Variants in VSNL1 observed in about 807,000 individuals in gnomAD.
The protein encoded by VSNL1 is visinin like 1, also known as visinin-like protein 1.
In VSNL1, 6 loss-of-function variants were observed where a neutral mutation model predicts 20.4. That is an observed-to-expected ratio of 0.29 (90% CI 0.16 to 0.58). The LOEUF (loss-of-function observed/expected upper bound fraction) is 0.58. Among genes scored for constraint, VSNL1 ranks in the 20% least tolerant of loss-of-function variants. The pLI is 0.90. For missense variants in VSNL1, 100 were observed against 234.5 expected (o/e 0.43, Z 3.75); for synonymous variants, 93 against 86.4 (o/e 1.08, Z -0.42).
intron 1 of VSNL1, among the ~76,000 whole-genome samples, chr2:17,584,112 C>T (rs1464948508): frequency 1.3e-5 from 2 of 152,116 alleles, no homozygotes; most frequent in Non-Finnish European, 2.9e-5. Flanking sequence ...TATCAAAATT[C>T]ACGCACCTTG....
At chr2:17,628,509 C>CA (rs5829600) in intron 2 of VSNL1, among the ~76,000 whole-genome samples, 37,591 of 152,026 alleles carry the variant, frequency 0.25, 6,060 homozygotes, top group Middle Eastern at 0.49. Context: ...CTTATTAGGC[C>CA]ACTGGATTGT....
rs1666074608 is a variant in VSNL1 at position 17,649,378 on chromosome 2, CG to C, written c.163-31del. Reference sequence around the variant, plus strand: ...TCGTCGCCCCGATTCCATCCCCTCCCGACACCTGACTGCGCGTGTTCTCCTT... The same window carrying C: ...TCGTCGCCCCGATTCCATCCCCTCCCACACCTGACTGCGCGTGTTCTCCTT... On this transcript the variant is annotated intron_variant, in intron 2 of 3. Transcript: ENST00000295156. This position sits in a 1 kb window ranked among gnomAD's most constrained non-coding sequence, Gnocchi z 6.4. 1 of 1,609,214 alleles carries C rather than the reference CG, an allele frequency of 6.2e-7. No individual in the cohort carries two copies. Among genetic ancestry groups the C allele is most frequent in the African/African-American group, 1.3e-5 (1 of 74,830 alleles).
At chr2:17,568,762 T>G (rs537019172) in intron 1 of VSNL1, among the ~76,000 whole-genome samples, 10 of 152,340 alleles carry the variant, frequency 6.6e-5, no homozygotes, top group African/African-American at 2.4e-4. Context: ...GGGTCCATAA[T>G]TAGTATTTTC....
At chr2:17,586,836 A>G (rs934652148) in intron 1 of VSNL1, among the ~76,000 whole-genome samples, 7 of 152,214 alleles carry the variant, frequency 4.6e-5, no homozygotes, top group Non-Finnish European at 1.0e-4. Context: ...GGAGTCTTGC[A>G]GCAGGAGTAA....
intron 2 of VSNL1, among the ~76,000 whole-genome samples, chr2:17,592,569 C>A (rs1664614101): frequency 6.8e-6 from 1 of 147,742 alleles, no homozygotes; most frequent in African/African-American, 2.5e-5. Flanking sequence ...CATTATTTGG[C>A]CTGTTAAAGG....
chr2:17,650,528 G>A (rs1201942479), intron 3 of VSNL1, among the ~76,000 whole-genome samples: 2 of 152,208 alleles, frequency 1.3e-5, no homozygotes, highest in African/African-American at 2.4e-5. Flanking sequence ...TCTTAGCATG[G>A]GTTCCCACCC....
At chr2:17,626,194 T>G (rs1415134920) in intron 2 of VSNL1, among the ~76,000 whole-genome samples, 1 of 152,192 alleles carries the variant, frequency 6.6e-6, no homozygotes, top group African/African-American at 2.4e-5. Flanking sequence ...ATGCCCCACC[T>G]GCAAAAACTG....
chr2:17,655,711 CTTG>C lies in VSNL1; in HGVS notation c.*320_*322del, dbSNP rs1273396136. 3.9e-6 allele frequency: 1 copy of C among 258,634 alleles called. No homozygotes were observed. Among genetic ancestry groups the C allele is most frequent in the African/African-American group, 2.2e-5 (1 of 44,818 alleles). 16.0% of individuals were successfully genotyped at this position (258,634 alleles called of 1,614,324 possible). A position where few individuals can be genotyped will look rare whatever the true frequency, so the allele number is the denominator to read the frequency against. On this transcript the variant is annotated 3_prime_UTR_variant, in exon 4 of 4. Transcript: ENST00000295156. This position sits in a 1 kb window ranked among gnomAD's most constrained non-coding sequence, Gnocchi z 5.2. ...TGTGCTGCAAAGAGTTATATGACTT[CTTG>C]TTCATGTTTTGCTAATGCTCGTATC...
chr2:17,559,867 G>A (rs1663772902), intron 1 of VSNL1, among the ~76,000 whole-genome samples: 1 of 151,698 alleles, frequency 6.6e-6, no homozygotes, highest in African/African-American at 2.4e-5. Context: ...ATAAACATCA[G>A]AAAAAATAAA....
chr2:17,562,814 A>T (rs1392592010), intron 1 of VSNL1, among the ~76,000 whole-genome samples: 2 of 152,208 alleles, frequency 1.3e-5, no homozygotes, highest in African/African-American at 4.8e-5. Flanking sequence ...TCTGCAGTTT[A>T]GCTTTGCGTT....
At chr2:17,587,135 C>T (rs1362970990) in intron 1 of VSNL1, among the ~76,000 whole-genome samples, 1 of 152,144 alleles carries the variant, frequency 6.6e-6, no homozygotes, top group Non-Finnish European at 1.5e-5. Flanking sequence ...CTGTGTTTAT[C>T]CTGCTATGTA....
intron 1 of VSNL1, among the ~76,000 whole-genome samples, chr2:17,565,840 T>C (rs405783): frequency 0.99 from 150,463 of 152,342 alleles, 74,329 homozygotes; most frequent in Middle Eastern, 1. Context: ...GTGGACTTAA[T>C]TGAATCAGCA....
intron 2 of VSNL1, among the ~76,000 whole-genome samples, chr2:17,621,662 T>G (rs897212253): frequency 6.6e-6 from 1 of 152,088 alleles, no homozygotes; most frequent in Non-Finnish European, 1.5e-5. Context: ...AGATGTCATT[T>G]TGTCACCCAG....
intron 2 of VSNL1, among the ~76,000 whole-genome samples, chr2:17,632,751 G>A (rs1377815316): frequency 2.0e-5 from 3 of 152,208 alleles, no homozygotes; most frequent in African/African-American, 7.2e-5. Flanking sequence ...TTAAAAAATA[G>A]ACACAGCATA....
At chr2:17,544,716 A>C (rs907437496) in intron 1 of VSNL1, among the ~76,000 whole-genome samples, 2 of 152,150 alleles carry the variant, frequency 1.3e-5, no homozygotes, top group Non-Finnish European at 2.9e-5. Flanking sequence ...AGTGATTTCT[A>C]TGCTCCTAAA....
At chr2:17,587,381 AC>A in intron 1 of VSNL1, among the ~76,000 whole-genome samples, 1 of 151,644 alleles carries the variant, frequency 6.6e-6, no homozygotes. Flanking sequence ...ACACACACAC[AC>A]ACACACACAC....
intron 1 of VSNL1, among the ~76,000 whole-genome samples, chr2:17,557,877 A>G (rs1336105519): frequency 6.6e-6 from 1 of 152,164 alleles, no homozygotes; most frequent in East Asian, 1.9e-4. Flanking sequence ...GCTCTTCCCA[A>G]ACCCGTGGTT....
At chr2:17,616,389 A>G (rs1435710117) in intron 2 of VSNL1, among the ~76,000 whole-genome samples, 1 of 152,210 alleles carries the variant, frequency 6.6e-6, no homozygotes, top group Non-Finnish European at 1.5e-5. Flanking sequence ...ATGAGCTCCA[A>G]TCGGTGACTT....
At chr2:17,622,158 C>A (rs893701148) in intron 2 of VSNL1, among the ~76,000 whole-genome samples, 9 of 151,130 alleles carry the variant, frequency 6.0e-5, no homozygotes, top group Admixed American at 4.0e-4. Flanking sequence ...TCTACTAGCT[C>A]ATCCTACAAA....
Sources: allele counts gnomAD v4.1 joint callset (sites outside exome capture counted in the v4.1 genomes callset), GRCh38; gene constraint gnomAD v4.1.1; non-coding constraint Gnocchi (gnomAD v3.1); transcripts MANE v1.5; gene names NCBI Gene and HGNC (gene_info 2026-07-23, HGNC 2026-07-21).